The following IP6K3 variants were observed in gnomAD, a reference collection of about 807,000 sequenced individuals.
IP6K3 encodes ATP:1D-myo-inositol-hexakisphosphate phosphotransferase.
In IP6K3, 20 loss-of-function variants were observed where a neutral mutation model predicts 28.8. That is an observed-to-expected ratio of 0.70 (90% CI 0.49 to 1.01). The LOEUF (loss-of-function observed/expected upper bound fraction) is 1.01. IP6K3 is among the 50% of genes least tolerant of loss of function. The pLI is 0.00. For missense variants in IP6K3, 480 were observed against 537.1 expected (o/e 0.89, Z 1.05); for synonymous variants, 213 against 221.3 (o/e 0.96, Z 0.33).
chr6:33,760,220 A>G, the IP6K3 span, among the ~76,000 whole-genome samples: 18 of 152,190 alleles, frequency 1.2e-4, no homozygotes, highest in African/African-American at 4.3e-4. Flanking sequence ...GATGTAGCTC[A>G]TGGTAGCCAC....
intron 1 of IP6K3, among the ~76,000 whole-genome samples, chr6:33,745,315 AC>A (rs1459203766): frequency 6.6e-6 from 1 of 152,026 alleles, no homozygotes; most frequent in Non-Finnish European, 1.5e-5. Flanking sequence ...CTGGCCTGTG[AC>A]CCCCGGAAGC....
rs1454464701 is a variant in IP6K3, at chr6:33,722,887, A to G, written c.1066T>C (p.Ser356Pro). The change falls in exon 6 of 6, where the codon TCT (serine) becomes CCT (proline). Residue 356 changes from serine to proline, a missense_variant. Coordinates refer to ENST00000293756, the MANE Select transcript of IP6K3 (RefSeq NM_054111.5). Reference sequence around the variant, plus strand: ...TCAACCTTGGTGAGACCACCGGGAGAGCTACCGTGGGCTGCCTGGGGAGCC... The same window carrying G: ...TCAACCTTGGTGAGACCACCGGGAGGGCTACCGTGGGCTGCCTGGGGAGCC... ...HEAPQAAHGS[S>P]PGGLTKVDIR... The G allele has an allele frequency of 1.2e-6, 2 of 1,613,960 alleles. No individual in the cohort carries two copies. Among genetic ancestry groups the G allele is most frequent in the Non-Finnish European group, 1.7e-6 (2 of 1,179,974 alleles).
At chr6:33,728,486 G>C (rs148855422) in intron 2 of IP6K3, among the ~76,000 whole-genome samples, 186 bp from the exon 3 acceptor site, 98 of 152,356 alleles carry the variant, frequency 6.4e-4, no homozygotes, top group Middle Eastern at 6.8e-3. Flanking sequence ...TCCTGTCCCA[G>C]AATGAGCCCT....
intron 2 of IP6K3, among the ~76,000 whole-genome samples, chr6:33,729,393 A>C (rs1766238215): frequency 6.6e-6 from 1 of 152,056 alleles, no homozygotes; most frequent in South Asian, 2.1e-4. Context: ...CCCACTCTGC[A>C]CCCCCTCTGT....
At chr6:33,739,904 C>G (rs550225480) in intron 1 of IP6K3, among the ~76,000 whole-genome samples, 2 of 152,336 alleles carry the variant, frequency 1.3e-5, no homozygotes, top group East Asian at 3.9e-4. Flanking sequence ...TCTGCCACAG[C>G]CTTGTCATGA....
chr6:33,734,645 C>G (rs1007272307), intron 2 of IP6K3, among the ~76,000 whole-genome samples: 2 of 152,210 alleles, frequency 1.3e-5, no homozygotes, highest in Non-Finnish European at 2.9e-5. Flanking sequence ...GGGAGCCCGA[C>G]CCCTGCCTGA....
the IP6K3 span, among the ~76,000 whole-genome samples, chr6:33,753,836 T>C: frequency 6.6e-6 from 1 of 151,656 alleles, no homozygotes; most frequent in African/African-American, 2.4e-5. Context: ...TGAGACAGAG[T>C]CTCGCTGTGT....
chr6:33,755,566 G>A, the IP6K3 span, among the ~76,000 whole-genome samples: 11 of 152,370 alleles, frequency 7.2e-5, no homozygotes, highest in African/African-American at 2.4e-4. Context: ...ATTTAATCCC[G>A]TGCTACTCAC....
At chr6:33,731,624 C>G (rs1315906472) in intron 2 of IP6K3, among the ~76,000 whole-genome samples, 5 of 152,220 alleles carry the variant, frequency 3.3e-5, no homozygotes, top group Non-Finnish European at 7.3e-5. Flanking sequence ...CTGTCACACC[C>G]TCTGTGGCTC....
intron 5 of IP6K3, among the ~76,000 whole-genome samples, chr6:33,724,268 A>T (rs1173012572): frequency 5.9e-5 from 9 of 152,240 alleles, no homozygotes. Flanking sequence ...GAGAGATTCC[A>T]TTTACACCAC....
intron 2 of IP6K3, among the ~76,000 whole-genome samples, chr6:33,734,718 T>C (rs931063284): frequency 2.6e-5 from 4 of 152,176 alleles, no homozygotes; most frequent in African/African-American, 9.7e-5. Flanking sequence ...TGTGCTCAGA[T>C]CCAAGACACA....
chr6:33,731,899 C>T (rs1429238482), intron 2 of IP6K3, among the ~76,000 whole-genome samples: 1 of 152,126 alleles, frequency 6.6e-6, no homozygotes, highest in Non-Finnish European at 1.5e-5. Context: ...CCTGCCTGCC[C>T]AGCCCTCCCC....
chr6:33,723,086 A>T lies in IP6K3; in HGVS notation c.867T>A (p.His289Gln). Residue 289 changes from histidine (H) to glutamine (Q), a missense_variant, in exon 6 of 6, where the codon CAT becomes CAA. His to Gln is a conservative substitution (Grantham distance 24, BLOSUM62 0). Coordinates refer to ENST00000293756, the MANE Select transcript of IP6K3 (RefSeq NM_054111.5). ...GCTCCCTCCGGAGGTGGCTTCCATT[A>T]TGTAGGAACTGATAGAGGGCTTGTC... Reference protein sequence around the residue: ...GFRQALYQFLHNGSHLRRELL... With the variant: ...GFRQALYQFLQNGSHLRRELL... The T allele has an allele frequency of 6.2e-7, 1 of 1,614,188 alleles. No homozygotes were observed. The highest frequency in any genetic ancestry group is 1.3e-5 in the African/African-American group (1 of 75,058).
rs918404918 is a variant in IP6K3, at chr6:33,742,493, G to A, written c.-180+4265C>T. 1.3e-5 allele frequency among the ~76,000 whole-genome samples: 2 copies of A among 152,164 alleles called. No individual in the cohort carries two copies. The highest frequency in any genetic ancestry group is 6.5e-5 in the Admixed American group (1 of 15,282). On this transcript the variant is annotated intron_variant, in intron 1 of 5. Coordinates refer to ENST00000293756, the MANE Select transcript of IP6K3 (RefSeq NM_054111.5). This position sits in a 1 kb window ranked among gnomAD's most constrained non-coding sequence, Gnocchi z 4.5. ...ATGCTGCTGGTGGGCAGTGTCTAAC[G>A]AAGTGCTTGGCAGCGTGGATTCTTA...
At chr6:33,732,097 C>T (rs764498661) in intron 2 of IP6K3, among the ~76,000 whole-genome samples, 4 of 152,212 alleles carry the variant, frequency 2.6e-5, no homozygotes, top group Non-Finnish European at 4.4e-5. Flanking sequence ...TAATATGAAT[C>T]GGGTCAATTG....
At position 33,728,403 on chromosome 6, in the gene IP6K3, G is replaced by GTCCACCTCCTCCGTTCCCCAGC. The variant is rs1195574052; in HGVS notation, c.200-125_200-104dup. ...TTGGGAATTTAGCTTAATGGCCCTG[G>GTCCACCTCCTCCGTTCCCCAGC]TCCACCTCCTCCGTTCCCCAGCTCC... On this transcript the variant is annotated intron_variant, in intron 2 of 5. Transcript: ENST00000293756. The GTCCACCTCCTCCGTTCCCCAGC allele has an allele frequency of 2.9e-6, 3 of 1,031,868 alleles. No homozygotes were observed. The East Asian group carries it at 7.4e-5, about 25-fold the overall frequency. The allele number at this position is 1,031,868 out of a possible 1,614,324, so 63.9% of individuals were successfully genotyped here.
Position 33,722,966 on chromosome 6 carries a change from G to A in IP6K3, c.987C>T (p.Ile329=). 6.2e-7 allele frequency: 1 copy of A among 1,614,102 alleles called. No homozygotes were observed. The highest frequency in any genetic ancestry group is 8.5e-7 in the Non-Finnish European group (1 of 1,180,016). The change falls in exon 6 of 6, where the codon ATC becomes ATT. Residue 329 remains isoleucine (I), a synonymous_variant. Coordinates refer to ENST00000293756, the MANE Select transcript of IP6K3 (RefSeq NM_054111.5). The stretch of plus-strand genomic sequence containing the variant: ...TTTCTGGTGGTTCCTGCCCATCATA[G>A]ATGACAAGGAGAGAGCTGGAATAGA... ...YRFYSSSLLV[I]YDGQEPPERA...
chr6:33,751,483 C>T (rs1457828170), upstream of IP6K3, among the ~76,000 whole-genome samples: 1 of 61,522 alleles, frequency 1.6e-5, no homozygotes, highest in Admixed American at 1.8e-4. The surrounding 1 kb of genome is among the most constrained non-coding windows in gnomAD (Gnocchi z 4.3). Context: ...CTCTGCAGGC[C>T]GTGTGTGTGT....
chr6:33,724,001 G>C (rs551783371), intron 5 of IP6K3, among the ~76,000 whole-genome samples: 1 of 152,348 alleles, frequency 6.6e-6, no homozygotes, highest in South Asian at 2.1e-4. Context: ...GGCCGGGGGG[G>C]GGTGGCACCC....
Sources: gnomAD v4.1 joint callset for allele counts (sites outside exome capture counted in the v4.1 genomes callset) on GRCh38, gnomAD v4.1.1 for gene constraint, Gnocchi (gnomAD v3.1) non-coding constraint, MANE v1.5 for transcripts, NCBI Gene and HGNC (gene_info 2026-07-23, HGNC 2026-07-21) for gene names.